The following STARD13 variants were observed in gnomAD, a reference collection of about 807,000 sequenced individuals.
The protein encoded by STARD13 is stAR-related lipid transfer protein 13.
In STARD13, 62 loss-of-function variants were observed where a neutral mutation model predicts 106.4. The ratio of observed to expected loss-of-function variants is 0.58; its 90% CI spans 0.48 to 0.72. The LOEUF (loss-of-function observed/expected upper bound fraction) is 0.72. Among genes scored for constraint, STARD13 ranks in the 30% least tolerant of loss-of-function variants. The probability of loss-of-function intolerance (pLI) is 0.00; values close to 1 mark genes in which losing one functional copy is unlikely to be tolerated. For missense variants in STARD13, 1,387 were observed against 1,424.0 expected (o/e 0.97, Z 0.42); for synonymous variants, 565 against 553.0 (o/e 1.02, Z -0.31).
At chr13:33,500,237 G>C in the STARD13 span, among the ~76,000 whole-genome samples, 1 of 152,130 alleles carries the variant, frequency 6.6e-6, no homozygotes, top group South Asian at 2.1e-4. Flanking sequence ...AAAATTTAGA[G>C]TGAAAGTAAG....
chr13:33,408,442 CAT>C, the STARD13 span, among the ~76,000 whole-genome samples: 1,665 of 151,940 alleles, frequency 0.011, 36 homozygotes, highest in African/African-American at 0.038. Flanking sequence ...TTTCATTTAA[CAT>C]AATCTCCTCA....
At chr13:33,181,267 T>TACACACACACACAC (rs67752465) in intron 1 of STARD13, among the ~76,000 whole-genome samples, 3 of 142,312 alleles carry the variant, frequency 2.1e-5, no homozygotes, top group African/African-American at 7.5e-5. Context: ...CACTCACACA[T>TACACACACACACAC]ACATACACAC....
intron 1 of STARD13, among the ~76,000 whole-genome samples, chr13:33,231,204 T>C (rs1408380872): frequency 6.6e-6 from 1 of 151,350 alleles, no homozygotes; most frequent in Non-Finnish European, 1.5e-5. Flanking sequence ...GGGCTGGGAG[T>C]GGAGATGAGG....
rs1879966372 is a variant in STARD13 at position 33,142,483 on chromosome 13, T to G, written c.324-110A>C. The G allele has an allele frequency of 3.3e-5, 31 of 947,222 alleles. No individual in the cohort carries two copies. In the South Asian group the frequency reaches 3.6e-4, roughly 11 times the overall value. The allele number at this position is 947,222 out of a possible 1,614,324, so 58.7% of individuals were successfully genotyped here. ...AAGTTGAAACTGCAGGAACAACCAA[T>G]TATGTCCCAAGACAGTACTGCACCC... On this transcript the variant is annotated intron_variant, in intron 3 of 13. Coordinates refer to ENST00000336934, the MANE Select transcript of STARD13 (RefSeq NM_178006.4).
At chr13:33,359,467 C>T in the STARD13 span, 13 of 176,956 alleles carry the variant, frequency 7.3e-5, no homozygotes, top group East Asian at 8.5e-4. Context: ...ACACTCACCG[C>T]GAGGGTCCAC....
chr13:33,616,309 A>G, the STARD13 span, among the ~76,000 whole-genome samples: 1 of 152,124 alleles, frequency 6.6e-6, no homozygotes, highest in African/African-American at 2.4e-5. Flanking sequence ...CAAGAAAGAA[A>G]GAAAAGAAGA....
the STARD13 span, among the ~76,000 whole-genome samples, chr13:33,519,264 C>CTTTCTTTCTTTCTTTCTATA: frequency 7.0e-6 from 1 of 143,458 alleles, no homozygotes; most frequent in South Asian, 2.2e-4. Context: ...TTCTTTCTTT[C>CTTTCTTTCTTTCTTTCTATA]TTTCTTTCTT....
intron 1 of STARD13, among the ~76,000 whole-genome samples, chr13:33,219,957 C>T (rs1287800950): frequency 7.9e-5 from 12 of 152,084 alleles, no homozygotes; most frequent in Admixed American, 7.2e-4. Flanking sequence ...CAAAAAGTTA[C>T]AATCAGACGC....
intron 1 of STARD13, among the ~76,000 whole-genome samples, chr13:33,207,749 G>C (rs989115280): frequency 6.6e-6 from 1 of 152,146 alleles, no homozygotes; most frequent in African/African-American, 2.4e-5. Flanking sequence ...GGATTGTTGG[G>C]TCAATTCTTC....
At chr13:33,612,658 A>T in the STARD13 span, among the ~76,000 whole-genome samples, 1 of 152,204 alleles carries the variant, frequency 6.6e-6, no homozygotes. Flanking sequence ...GCCATCAGAC[A>T]GCCCTGTATA....
chr13:33,217,643 A>C (rs570921777), intron 1 of STARD13, among the ~76,000 whole-genome samples: 74 of 152,356 alleles, frequency 4.9e-4, no homozygotes, highest in Admixed American at 7.8e-4. Flanking sequence ...AAGCCCTTCC[A>C]AAACAGGAAG....
At chr13:33,617,713 A>T in the STARD13 span, among the ~76,000 whole-genome samples, 1 of 152,198 alleles carries the variant, frequency 6.6e-6, no homozygotes, top group Non-Finnish European at 1.5e-5. Context: ...AATTCTGCCT[A>T]TGACCAGAAA....
At chr13:33,465,305 A>G in the STARD13 span, among the ~76,000 whole-genome samples, 1 of 146,352 alleles carries the variant, frequency 6.8e-6, no homozygotes, top group Non-Finnish European at 1.5e-5. Flanking sequence ...TCCCGGGTTC[A>G]CGCCATTCTC....
the STARD13 span, among the ~76,000 whole-genome samples, chr13:33,614,270 C>CGTGTGTGTGTGTGTGTGTGTGTGTGTGT: frequency 3.4e-5 from 5 of 145,154 alleles, no homozygotes; most frequent in Admixed American, 1.4e-4. Flanking sequence ...ATACATTCTC[C>CGTGTGTGTGTGTGTGTGTGTGTGTGTGT]GTGTGTGTGT....
At chr13:33,260,968 A>G (rs914136717) in intron 1 of STARD13, among the ~76,000 whole-genome samples, 1 of 152,158 alleles carries the variant, frequency 6.6e-6, no homozygotes, top group African/African-American at 2.4e-5. Flanking sequence ...AATTATTTAG[A>G]TTCATGCCTG....
At chr13:33,499,612 T>TC in the STARD13 span, among the ~76,000 whole-genome samples, 731 of 78,662 alleles carry the variant, frequency 9.3e-3, 21 homozygotes, top group Non-Finnish European at 0.013. Flanking sequence ...TCTTTCTTCT[T>TC]CTTCTTCTTC....
At chr13:33,606,154 A>T in the STARD13 span, among the ~76,000 whole-genome samples, 1 of 152,172 alleles carries the variant, frequency 6.6e-6, no homozygotes, top group Non-Finnish European at 1.5e-5. Context: ...AACAAAAATT[A>T]GCTGGGTGTA....
chr13:33,256,716 C>T (rs1302499307), intron 1 of STARD13, among the ~76,000 whole-genome samples: 1 of 152,172 alleles, frequency 6.6e-6, no homozygotes, highest in East Asian at 1.9e-4. Flanking sequence ...TTAAACGAGA[C>T]AAGCATGTTA....
intron 1 of STARD13, among the ~76,000 whole-genome samples, chr13:33,308,317 CTG>C (rs1390653224): frequency 2.0e-5 from 3 of 152,126 alleles, no homozygotes; most frequent in Admixed American, 6.6e-5. Context: ...GAGCTGAAGA[CTG>C]TTTTGAGGCC....
Sources: gnomAD v4.1 joint callset for allele counts (sites outside exome capture counted in the v4.1 genomes callset) on GRCh38, gnomAD v4.1.1 for gene constraint, MANE v1.5 for transcripts, NCBI Gene and HGNC (gene_info 2026-07-23, HGNC 2026-07-21) for gene names.